CACHD1: variants seen among roughly 807,000 people sequenced by gnomAD.
CACHD1 encodes cache domain containing 1.
A neutral mutation model predicts 138.7 loss-of-function variants in CACHD1; 71 were observed. That is an observed-to-expected ratio of 0.51 (90% CI 0.42 to 0.62). CACHD1 has a LOEUF of 0.62. Ranked by LOEUF, CACHD1 falls within the 20% of genes least tolerant of loss-of-function variation. CACHD1 has a pLI of 0.00. For missense variants in CACHD1, 1,389 were observed against 1,625.3 expected (o/e 0.85, Z 2.50); for synonymous variants, 578 against 591.5 (o/e 0.98, Z 0.33).
intron 3 of CACHD1, among the ~76,000 whole-genome samples, chr1:64,586,984 A>G (rs1000354619): frequency 2.0e-5 from 3 of 152,182 alleles, no homozygotes; most frequent in Non-Finnish European, 4.4e-5. Context: ...TGCCATATGT[A>G]TATGTATTAA....
At chr1:64,623,646 C>T (rs950813836) in intron 4 of CACHD1, among the ~76,000 whole-genome samples, 4 of 152,052 alleles carry the variant, frequency 2.6e-5, no homozygotes, top group African/African-American at 9.7e-5. Flanking sequence ...CCTATAACAC[C>T]GATAATGCGG....
intron 1 of CACHD1, among the ~76,000 whole-genome samples, chr1:64,530,933 G>GTT (rs369893062): frequency 0.074 from 9,615 of 130,054 alleles, 514 homozygotes; most frequent in Non-Finnish European, 0.11. Flanking sequence ...GTTTTTTTTT[G>GTT]TTTTTTTTTT....
Position 64,681,254 on chromosome 1 carries a change from G to T in CACHD1, c.3407-4G>T. The T allele has an allele frequency of 6.2e-7, 1 of 1,611,042 alleles. No homozygotes were observed. Among genetic ancestry groups the T allele is most frequent in the Non-Finnish European group, 8.5e-7 (1 of 1,177,350 alleles). ...CATGTTTCTCTCTTTTTAATGATGG[G>T]TAGAAATGTCAGTGCGTATGTCCAA... On this transcript the variant is annotated splice_region_variant and splice_polypyrimidine_tract_variant and intron_variant, in intron 24 of 26. Coordinates refer to ENST00000651257, the MANE Select transcript of CACHD1 (RefSeq NM_020925.4).
chr1:64,549,273 T>C (rs904277714), intron 1 of CACHD1, among the ~76,000 whole-genome samples: 5 of 152,164 alleles, frequency 3.3e-5, no homozygotes, highest in Non-Finnish European at 7.3e-5. Context: ...AAGTATTCAG[T>C]AGATATTAGC....
Position 64,653,679 on chromosome 1 carries a change from A to G in CACHD1, c.1541-79A>G. The G allele has an allele frequency of 7.5e-6, 11 of 1,465,764 alleles. No homozygotes were observed. In the South Asian group the frequency reaches 1.4e-4, roughly 18 times the overall value. The allele number at this position is 1,465,764 out of a possible 1,614,324, so 90.8% of individuals were successfully genotyped here. On this transcript the variant is annotated intron_variant, in intron 10 of 26. Transcript: ENST00000651257. The stretch of plus-strand genomic sequence containing the variant: ...GAGTATCGGGCAGCCAGCCCAGAGT[A>G]CCCCATATTTCAAAACAGTGATTCA...
chr1:64,500,800 C>T (rs2100321897), intron 1 of CACHD1, among the ~76,000 whole-genome samples: 1 of 150,248 alleles, frequency 6.7e-6, no homozygotes, highest in Middle Eastern at 3.5e-3. Flanking sequence ...GTAATCCCAG[C>T]ACTTTGAGAG....
intron 3 of CACHD1, among the ~76,000 whole-genome samples, chr1:64,593,981 A>G (rs1440257647): frequency 1.3e-5 from 2 of 152,076 alleles, no homozygotes; most frequent in Non-Finnish European, 2.9e-5. Flanking sequence ...ATAGGCTTAG[A>G]AAGTTTATGG....
intron 16 of CACHD1, among the ~76,000 whole-genome samples, chr1:64,667,206 C>A (rs1649664416): frequency 6.6e-6 from 1 of 152,094 alleles, no homozygotes; most frequent in African/African-American, 2.4e-5. Context: ...TTCCTAGCAA[C>A]CAAGAAAGAT....
chr1:64,591,506 G>A lies in CACHD1; in HGVS notation c.410+9202G>A, dbSNP rs139907476. Reference sequence around the variant, plus strand: ...GTTCAGTAGGGTTTAGGCTCCATAAGTGAAGTAAAGAACAATGTCTATCTT... The same window carrying A: ...GTTCAGTAGGGTTTAGGCTCCATAAATGAAGTAAAGAACAATGTCTATCTT... On this transcript the variant is annotated intron_variant, in intron 3 of 26. Coordinates refer to ENST00000651257, the MANE Select transcript of CACHD1 (RefSeq NM_020925.4). 7.5e-4 allele frequency among the ~76,000 whole-genome samples: 114 copies of A among 152,328 alleles called. 2 individuals carry two copies. In the East Asian group the frequency reaches 0.021, roughly 28 times the overall value.
At chr1:64,504,182 C>T (rs1174072709) in intron 1 of CACHD1, among the ~76,000 whole-genome samples, 3 of 152,126 alleles carry the variant, frequency 2.0e-5, no homozygotes, top group African/African-American at 7.2e-5. Context: ...GCGTGTGCTA[C>T]CATGCCTGGC....
At chr1:64,655,524 A>G (rs1015994216) in intron 12 of CACHD1, among the ~76,000 whole-genome samples, 4 of 152,184 alleles carry the variant, frequency 2.6e-5, no homozygotes, top group Admixed American at 6.5e-5. Flanking sequence ...ACCTTCCGAC[A>G]TTCTCTAAGG....
intron 6 of CACHD1, 134 bp from the exon 7 acceptor site, chr1:64,633,910 G>T: frequency 1.5e-6 from 1 of 650,436 alleles, no homozygotes; most frequent in East Asian, 2.8e-5. Flanking sequence ...TGGCTCCAGG[G>T]ATTTATTTTG....
At chr1:64,521,703 T>C (rs1282806253) in intron 1 of CACHD1, among the ~76,000 whole-genome samples, 2 of 152,236 alleles carry the variant, frequency 1.3e-5, no homozygotes, top group East Asian at 3.8e-4. Context: ...ATATACATTT[T>C]CATTTCTCTT....
At chr1:64,505,595 C>G (rs1457436302) in intron 1 of CACHD1, among the ~76,000 whole-genome samples, 1 of 119,688 alleles carries the variant, frequency 8.4e-6, no homozygotes, top group Non-Finnish European at 1.8e-5. Context: ...GCCCCTCCCC[C>G]TCCCTGGGCA....
chr1:64,671,864 C>T (rs1481637786), intron 17 of CACHD1, among the ~76,000 whole-genome samples, 178 bp downstream of exon 17: 1 of 152,012 alleles, frequency 6.6e-6, no homozygotes. Flanking sequence ...TTCTGAGATG[C>T]ATACTGTTTA....
At chr1:64,539,798 C>G (rs1288555895) in intron 1 of CACHD1, among the ~76,000 whole-genome samples, 1 of 152,166 alleles carries the variant, frequency 6.6e-6, no homozygotes, top group Non-Finnish European at 1.5e-5. Context: ...CTCTGAAATG[C>G]TCTCACCCAA....
At chr1:64,600,243 G>A (rs1250065489) in intron 3 of CACHD1, among the ~76,000 whole-genome samples, 2 of 152,176 alleles carry the variant, frequency 1.3e-5, no homozygotes, top group African/African-American at 4.8e-5. Context: ...GGAAGTACCA[G>A]TGCTCATGCA....
intron 4 of CACHD1, among the ~76,000 whole-genome samples, chr1:64,622,732 A>G (rs763473259): frequency 6.6e-6 from 1 of 152,244 alleles, no homozygotes; most frequent in Non-Finnish European, 1.5e-5. Flanking sequence ...TTAGTTCTGC[A>G]TCTATAAAAT....
chr1:64,590,029 C>T (rs372050020), intron 3 of CACHD1, among the ~76,000 whole-genome samples: 7 of 152,098 alleles, frequency 4.6e-5, no homozygotes, highest in Non-Finnish European at 7.4e-5. Flanking sequence ...AATGCTCAGC[C>T]GGGCGCAGTG....
Sources: allele counts gnomAD v4.1 joint callset (sites outside exome capture counted in the v4.1 genomes callset), GRCh38; gene constraint gnomAD v4.1.1; transcripts MANE v1.5; gene names NCBI Gene and HGNC (gene_info 2026-07-23, HGNC 2026-07-21).